ACSS3: variants seen among roughly 807,000 people sequenced by gnomAD.
ACSS3 encodes acyl-CoA synthetase short chain family member 3, also known as acyl-CoA synthetase short-chain family member 3, mitochondrial.
A neutral mutation model predicts 84.2 loss-of-function variants in ACSS3; 64 were observed. That is an observed-to-expected ratio of 0.76 (90% CI 0.62 to 0.94). ACSS3 has a LOEUF of 0.94. ACSS3 is among the 40% of genes least tolerant of loss of function. The pLI is 0.00. For synonymous variants in ACSS3, 317 were observed against 310.1 expected, an observed-to-expected ratio of 1.02 and a Z score of -0.23; for missense variants, 815 against 867.6, an observed-to-expected ratio of 0.94 and a Z score of 0.76.
At chr12:81,229,954 C>T (rs1299505594) in intron 11 of ACSS3, among the ~76,000 whole-genome samples, 2 of 151,856 alleles carry the variant, frequency 1.3e-5, no homozygotes, top group African/African-American at 2.4e-5. Flanking sequence ...GAGTAAAATT[C>T]AGTGCCATGA....
intron 13 of ACSS3, among the ~76,000 whole-genome samples, chr12:81,240,174 G>A (rs1002409370): frequency 2.0e-5 from 3 of 151,918 alleles, no homozygotes; most frequent in Non-Finnish European, 4.4e-5. Context: ...GAGTGTTAAA[G>A]TCTTGAACTA....
intron 4 of ACSS3, among the ~76,000 whole-genome samples, chr12:81,141,099 T>C (rs893376286): frequency 4.6e-5 from 7 of 152,226 alleles, no homozygotes; most frequent in Non-Finnish European, 8.8e-5. Flanking sequence ...GCTATTTCTT[T>C]CACTATAAAC....
intron 12 of ACSS3, among the ~76,000 whole-genome samples, chr12:81,232,773 AT>A (rs960015161): frequency 2.6e-5 from 4 of 151,762 alleles, no homozygotes; most frequent in African/African-American, 9.7e-5. Context: ...ATTAGGAAAA[AT>A]AATATTTATT....
chr12:81,193,007 G>T (rs985883965), intron 8 of ACSS3, among the ~76,000 whole-genome samples: 3 of 152,118 alleles, frequency 2.0e-5, no homozygotes, highest in Non-Finnish European at 4.4e-5. Context: ...GAGAGAGAGA[G>T]ATGAGAAAGA....
intron 8 of ACSS3, among the ~76,000 whole-genome samples, chr12:81,183,820 G>A (rs1022890989): frequency 2.6e-5 from 4 of 151,814 alleles, no homozygotes; most frequent in Admixed American, 6.6e-5. Flanking sequence ...AACATGAAAA[G>A]ACAAATAGAT....
chr12:81,136,122 G>A (rs1488669276), intron 3 of ACSS3, among the ~76,000 whole-genome samples: 1 of 152,018 alleles, frequency 6.6e-6, no homozygotes, highest in Non-Finnish European at 1.5e-5. Context: ...TGTTTGAATG[G>A]GGTACAAAAA....
intron 5 of ACSS3, among the ~76,000 whole-genome samples, chr12:81,149,125 G>A (rs545417409): frequency 6.6e-6 from 1 of 151,824 alleles, no homozygotes; most frequent in South Asian, 2.1e-4. Flanking sequence ...ATAAATAATA[G>A]AGATTCGAAA....
rs548439952 is a variant in ACSS3, at chr12:81,109,581, C to T, written c.333C>T (p.Asn111=). The change falls in exon 2 of 16, where the codon AAC becomes AAT. Residue 111 remains asparagine (N), a synonymous_variant. Coordinates refer to ENST00000548058, the MANE Select transcript of ACSS3 (RefSeq NM_024560.4). ...STRWFVEGML[N]ICYNAVDRHI... is the part of the protein sequence containing the mutation. ...TCAGGTTTGTGGAAGGAATGCTTAACATTTGTTACAATGCCGTTGATCGTC... is the reference window on the plus strand; with the variant it reads ...TCAGGTTTGTGGAAGGAATGCTTAATATTTGTTACAATGCCGTTGATCGTC... 1.9e-6 allele frequency: 3 copies of T among 1,610,632 alleles called. No homozygotes were observed. Among genetic ancestry groups the T allele is most frequent in the East Asian group, 2.2e-5 (1 of 44,688 alleles).
At chr12:81,234,338 A>G (rs1246105611) in intron 13 of ACSS3, among the ~76,000 whole-genome samples, 1 of 151,442 alleles carries the variant, frequency 6.6e-6, no homozygotes, top group East Asian at 1.9e-4. Context: ...TGCAGCAATT[A>G]TAAATAGGGC....
rs535008144 is a variant in ACSS3, at chr12:81,192,110, G to A, written c.1251-7231G>A. Among the ~76,000 whole-genome samples, 90 of 152,194 alleles carry A rather than the reference G, an allele frequency of 5.9e-4. 1 individual carries two copies. The highest frequency in any genetic ancestry group is 2.1e-3 in the South Asian group (10 of 4,822). ...GAAAATAGCTATTTTGGCCGGGTGCGGTGGCTCGTGCCTGTAATCCCAGCA... is the reference window on the plus strand; with the variant it reads ...GAAAATAGCTATTTTGGCCGGGTGCAGTGGCTCGTGCCTGTAATCCCAGCA... On this transcript the variant is annotated intron_variant, in intron 8 of 15. Coordinates refer to ENST00000548058, the MANE Select transcript of ACSS3 (RefSeq NM_024560.4).
chr12:81,199,348 A>G lies in ACSS3; in HGVS notation c.1258A>G (p.Thr420Ala), dbSNP rs780038354. ...GKQYSLTRFKTLFVAGERCDV... is the reference protein window; with the variant it reads ...GKQYSLTRFKALFVAGERCDV... The stretch of plus-strand genomic sequence containing the variant: ...TCACTGTCTCATATTCAGGTTCAAA[A>G]CATTATTTGTGGCTGGAGAACGATG... The change falls in exon 9 of 16, where the codon ACA (threonine) becomes GCA (alanine). Residue 420 changes from threonine (T) to alanine (A), a missense_variant. Transcript: ENST00000548058. 6.2e-7 allele frequency: 1 copy of G among 1,611,914 alleles called. No homozygotes were observed. Among genetic ancestry groups the G allele is most frequent in the Non-Finnish European group, 8.5e-7 (1 of 1,179,276 alleles).
intron 5 of ACSS3, among the ~76,000 whole-genome samples, chr12:81,144,903 C>CTTTTTTTTTTTTTT (rs1292727483): frequency 1.7e-5 from 2 of 116,976 alleles, no homozygotes; most frequent in Non-Finnish European, 3.3e-5. Flanking sequence ...TTTTTCTTTT[C>CTTTTTTTTTTTTTT]TTTTTTTTTT....
intron 12 of ACSS3, among the ~76,000 whole-genome samples, chr12:81,232,338 C>A (rs185975988): frequency 1.3e-5 from 2 of 151,866 alleles, no homozygotes; most frequent in East Asian, 3.9e-4. Flanking sequence ...TGTACTCTGT[C>A]TTTTTACCTG....
intron 8 of ACSS3, among the ~76,000 whole-genome samples, chr12:81,186,523 AT>A (rs1314915217): frequency 6.6e-6 from 1 of 151,840 alleles, no homozygotes; most frequent in African/African-American, 2.4e-5. Flanking sequence ...GGAAAAACTA[AT>A]AACCTGATCA....
chr12:81,242,866 A>G (rs2033856085), intron 13 of ACSS3, among the ~76,000 whole-genome samples: 1 of 152,140 alleles, frequency 6.6e-6, no homozygotes, highest in Non-Finnish European at 1.5e-5. Flanking sequence ...TCTCAAAATA[A>G]TAAGAGCTAC....
chr12:81,172,905 A>G (rs1048213819), intron 7 of ACSS3, among the ~76,000 whole-genome samples: 1 of 152,300 alleles, frequency 6.6e-6, no homozygotes, highest in Non-Finnish European at 1.5e-5. Flanking sequence ...TGGCTATAAA[A>G]TATCTTTCTT....
chr12:81,235,026 AGTTTTAT>A (rs2033585722), intron 13 of ACSS3, among the ~76,000 whole-genome samples: 1 of 151,308 alleles, frequency 6.6e-6, no homozygotes, highest in African/African-American at 2.4e-5. Context: ...AGAGTTTTAT[AGTTTTAT>A]GTTTTATATT....
At chr12:81,104,953 C>T (rs189040332) in intron 1 of ACSS3, 1 of 152,244 alleles carries the variant, frequency 6.6e-6, no homozygotes, top group East Asian at 1.9e-4. Context: ...GAAATCTGGG[C>T]TTCAGCATAA....
chr12:81,078,458 T>A, intron 1 of ACSS3, 27 bp downstream of exon 1: 1 of 1,605,780 alleles, frequency 6.2e-7, no homozygotes, highest in Non-Finnish European at 8.5e-7. Flanking sequence ...CCAACCCTGA[T>A]CCCCCATCCC....
Sources: allele counts gnomAD v4.1 joint callset (sites outside exome capture counted in the v4.1 genomes callset), GRCh38; gene constraint gnomAD v4.1.1; transcripts MANE v1.5; gene names NCBI Gene and HGNC (gene_info 2026-07-23, HGNC 2026-07-21).